The following DCDC1 variants were observed in gnomAD, a reference collection of about 807,000 sequenced individuals.
DCDC1 encodes the protein doublecortin domain-containing protein 1.
In DCDC1, 200 loss-of-function variants were observed where a neutral mutation model predicts 178.3. The observed-to-expected ratio is 1.12, with a 90% CI of 1.00 to 1.26. DCDC1 has a LOEUF of 1.26. Ranked by LOEUF, DCDC1 falls within the 50% of genes most tolerant of loss-of-function variation. The pLI, the probability that DCDC1 is intolerant of heterozygous loss-of-function variation, is 0.00. For missense variants in DCDC1, 1,983 were observed against 1,749.2 expected (o/e 1.13, Z -2.38); for synonymous variants, 690 against 604.8 (o/e 1.14, Z -2.07).
chr11:31,121,776 G>C (rs1018979009), intron 11 of DCDC1, among the ~76,000 whole-genome samples: 6 of 152,074 alleles, frequency 3.9e-5, no homozygotes, highest in Admixed American at 3.3e-4. Context: ...ATATGTAACA[G>C]AGTGATGAAA....
At chr11:31,134,918 C>T (rs1406880383) in intron 10 of DCDC1, among the ~76,000 whole-genome samples, 2 of 152,128 alleles carry the variant, frequency 1.3e-5, no homozygotes, top group Non-Finnish European at 2.9e-5. Flanking sequence ...ATCACTTGTG[C>T]CCAGGAGTTC....
At chr11:31,081,979 G>A (rs1296990159) in intron 17 of DCDC1, among the ~76,000 whole-genome samples, 3 of 152,176 alleles carry the variant, frequency 2.0e-5, no homozygotes, top group Non-Finnish European at 4.4e-5. Flanking sequence ...CATTTCATAT[G>A]CAGAAAAATC....
chr11:31,124,597 T>C (rs1450634067), intron 11 of DCDC1, among the ~76,000 whole-genome samples: 1 of 152,022 alleles, frequency 6.6e-6, no homozygotes, highest in African/African-American at 2.4e-5. Context: ...TGTAGACCAA[T>C]GGAACAGAAT....
intron 23 of DCDC1, 40 bp from the exon 24 acceptor site, chr11:30,922,678 A>G (rs1946327538): frequency 6.9e-7 from 1 of 1,454,204 alleles, no homozygotes; most frequent in African/African-American, 1.5e-5. Context: ...TATAATTGTC[A>G]CAGCAGCATT....
chr11:30,874,819 C>G (rs1305655433), intron 38 of DCDC1, among the ~76,000 whole-genome samples: 1 of 152,150 alleles, frequency 6.6e-6, no homozygotes, highest in Non-Finnish European at 1.5e-5. Flanking sequence ...AATTACTGCT[C>G]TAGGACTGGC....
At chr11:31,117,658 C>A (rs1960168410) in intron 11 of DCDC1, among the ~76,000 whole-genome samples, 4 of 151,636 alleles carry the variant, frequency 2.6e-5, no homozygotes, top group Admixed American at 2.0e-4. Context: ...AATAGTCTTA[C>A]CCCATTTTGC....
rs59083470 is a variant in DCDC1 at position 31,315,646 on chromosome 11, CTTTT to C, written c.165-7742_165-7739del. On this transcript the variant is annotated intron_variant, in intron 3 of 38. Coordinates refer to ENST00000684477, the MANE Select transcript of DCDC1 (RefSeq NM_001387274.1). Reference sequence around the variant, plus strand: ...CCACCATGCCCGGCCATCTGCATACCTTTTTTTTTTTTTTTTTTTTTATTAAACT... The same window carrying C: ...CCACCATGCCCGGCCATCTGCATACCTTTTTTTTTTTTTTTTTATTAAACT... Among the ~76,000 whole-genome samples the C allele has an allele frequency of 8.7e-3, 973 of 112,414 alleles. 17 individuals carry two copies. Among genetic ancestry groups the C allele is most frequent in the African/African-American group, 0.034 (926 of 27,104 alleles). 73.7% of individuals were successfully genotyped at this position (112,414 alleles called of 152,430 possible). A position where few individuals can be genotyped will look rare whatever the true frequency, so the allele number is the denominator to read the frequency against.
At chr11:31,011,686 T>C (rs912709039) in intron 20 of DCDC1, among the ~76,000 whole-genome samples, 3 of 152,228 alleles carry the variant, frequency 2.0e-5, no homozygotes, top group Non-Finnish European at 2.9e-5. Flanking sequence ...GTTGAAAGTA[T>C]GTGTGCGCTT....
At chr11:31,125,325 G>A (rs569702756) in intron 11 of DCDC1, among the ~76,000 whole-genome samples, 1 of 152,186 alleles carries the variant, frequency 6.6e-6, no homozygotes, top group Non-Finnish European at 1.5e-5. Flanking sequence ...TACACTGTTA[G>A]TGGGAATGTA....
intron 9 of DCDC1, among the ~76,000 whole-genome samples, chr11:31,222,339 CAG>C (rs995701921): frequency 1.3e-5 from 2 of 152,146 alleles, no homozygotes; most frequent in Non-Finnish European, 2.9e-5. Context: ...GCTAGGATTA[CAG>C]AGTGAGCCAC....
chr11:31,020,217 C>T (rs79918998), intron 20 of DCDC1, among the ~76,000 whole-genome samples: 4 of 152,056 alleles, frequency 2.6e-5, no homozygotes, highest in African/African-American at 9.7e-5. Flanking sequence ...TTTATCTGTA[C>T]CATCAATAAA....
intron 16 of DCDC1, among the ~76,000 whole-genome samples, chr11:31,091,886 T>C (rs559980094): frequency 6.6e-6 from 1 of 152,310 alleles, no homozygotes; most frequent in African/African-American, 2.4e-5. Flanking sequence ...TGCAGTGAAC[T>C]GAAAAGACTG....
chr11:30,998,059 C>T (rs971438621), intron 20 of DCDC1, among the ~76,000 whole-genome samples: 1 of 151,970 alleles, frequency 6.6e-6, no homozygotes, highest in Admixed American at 6.6e-5. Context: ...TTTGGAAGGT[C>T]GAGGCAGGAG....
At chr11:30,994,543 A>T (rs1951148352) in intron 20 of DCDC1, among the ~76,000 whole-genome samples, 1 of 145,548 alleles carries the variant, frequency 6.9e-6, no homozygotes, top group Admixed American at 7.0e-5. Context: ...ATATATATAT[A>T]TGTATATGTA....
chr11:31,283,961 T>C (rs1946636685), intron 7 of DCDC1, among the ~76,000 whole-genome samples: 1 of 145,444 alleles, frequency 6.9e-6, no homozygotes, highest in South Asian at 2.3e-4. Flanking sequence ...TCTCTCTCAC[T>C]CTTTCCCTCC....
intron 20 of DCDC1, among the ~76,000 whole-genome samples, chr11:31,036,804 C>T (rs1954064926): frequency 6.6e-6 from 1 of 152,076 alleles, no homozygotes; most frequent in Non-Finnish European, 1.5e-5. Context: ...TTAATAGTTA[C>T]AGGGATTTAC....
At chr11:30,967,693 A>T (rs1354820771) in intron 20 of DCDC1, among the ~76,000 whole-genome samples, 1 of 152,220 alleles carries the variant, frequency 6.6e-6, no homozygotes, top group African/African-American at 2.4e-5. Context: ...ATTAGAACTT[A>T]TAAGGAAGTG....
chr11:31,131,306 G>A (rs573974578), intron 10 of DCDC1, among the ~76,000 whole-genome samples: 1 of 152,194 alleles, frequency 6.6e-6, no homozygotes, highest in East Asian at 1.9e-4. Flanking sequence ...GAAAGAAGAT[G>A]TGAAAAAGAA....
intron 9 of DCDC1, among the ~76,000 whole-genome samples, chr11:31,166,633 T>C (rs1036879061): frequency 1.3e-5 from 2 of 152,028 alleles, no homozygotes; most frequent in African/African-American, 4.8e-5. Context: ...TCATCATTTT[T>C]TTAAAAAAAG....
Sources: gnomAD v4.1 joint callset for allele counts (sites outside exome capture counted in the v4.1 genomes callset) on GRCh38, gnomAD v4.1.1 for gene constraint, MANE v1.5 for transcripts, NCBI Gene and HGNC (gene_info 2026-07-23, HGNC 2026-07-21) for gene names.